The following SAMD13 variants were observed in gnomAD, a reference collection of about 807,000 sequenced individuals.
SAMD13 encodes the protein sterile alpha motif domain-containing protein 13.
Under a neutral mutation model 12.4 loss-of-function variants are expected in SAMD13, and 9 were observed. The ratio of observed to expected loss-of-function variants is 0.72; its 90% CI spans 0.44 to 1.26. SAMD13 has a LOEUF of 1.26. SAMD13 is among the 50% of genes most tolerant of loss of function. The probability of loss-of-function intolerance (pLI) is 0.00; values close to 1 mark genes in which losing one functional copy is unlikely to be tolerated. For missense variants in SAMD13, 84 were observed against 119.6 expected, an observed-to-expected ratio of 0.70 and a Z score of 1.39; for synonymous variants, 46 against 45.4, an observed-to-expected ratio of 1.01 and a Z score of -0.05.
chr1:84,341,096 A>G (rs1679414467), intron 3 of SAMD13, among the ~76,000 whole-genome samples: 1 of 152,140 alleles, frequency 6.6e-6, no homozygotes, highest in Non-Finnish European at 1.5e-5. Flanking sequence ...TCACCCTCCC[A>G]TTCTCAGTCT....
At chr1:84,307,847 G>A (rs1678616012) in intron 2 of SAMD13, among the ~76,000 whole-genome samples, 2 of 151,870 alleles carry the variant, frequency 1.3e-5, no homozygotes, top group African/African-American at 4.8e-5. Flanking sequence ...TTCATCTCTG[G>A]CAGGTGAAAA....
chr1:84,344,553 T>C (rs928599373), intron 3 of SAMD13: 1 of 224,460 alleles, frequency 4.5e-6, no homozygotes, highest in African/African-American at 2.3e-5. Flanking sequence ...CCCAAGAGCC[T>C]TGTGATAGTA....
chr1:84,298,548 C>T (rs371548229), upstream of SAMD13: 63 of 1,268,888 alleles, frequency 5.0e-5, no homozygotes, highest in Admixed American at 7.4e-5. Context: ...GCAAACCTCC[C>T]GGCGCGGCCA....
chr1:84,346,185 A>G (rs1344335368), intron 3 of SAMD13, among the ~76,000 whole-genome samples: 2 of 152,208 alleles, frequency 1.3e-5, no homozygotes. Context: ...GGCCCCACTA[A>G]TAAGCAATAA....
intron 1 of SAMD13, 157 bp from the exon 2 acceptor site, chr1:84,303,046 C>T (rs1030701877): frequency 3.5e-6 from 2 of 571,232 alleles, no homozygotes; most frequent in African/African-American, 3.8e-5. Flanking sequence ...TAGGTTTAAT[C>T]ACATCTCTCC....
chr1:84,344,976 G>T (rs1679506490), intron 3 of SAMD13: 1 of 456,726 alleles, frequency 2.2e-6, no homozygotes, highest in Non-Finnish European at 4.4e-6. Flanking sequence ...CTCAGGTGAT[G>T]ATTTTTCCCT....
chr1:84,335,896 G>T (rs1679278718), intron 3 of SAMD13, among the ~76,000 whole-genome samples: 1 of 152,166 alleles, frequency 6.6e-6, no homozygotes, highest in Non-Finnish European at 1.5e-5. Flanking sequence ...GGCTTGCAGG[G>T]TTTCTGCTGA....
intron 3 of SAMD13, among the ~76,000 whole-genome samples, chr1:84,335,340 T>C (rs1042945512): frequency 6.6e-6 from 1 of 152,156 alleles, no homozygotes; most frequent in Admixed American, 6.5e-5. Context: ...TTAAAGTCTG[T>C]TTTGTCTGAA....
At chr1:84,341,445 G>A (rs952550763) in intron 3 of SAMD13, among the ~76,000 whole-genome samples, 1 of 152,096 alleles carries the variant, frequency 6.6e-6, no homozygotes. Context: ...AGCTGAGATT[G>A]GTACACTGCA....
chr1:84,345,110 A>G (rs1679509055), intron 3 of SAMD13: 1 of 456,660 alleles, frequency 2.2e-6, no homozygotes, highest in Non-Finnish European at 4.4e-6. Context: ...CCTCTGAGAC[A>G]TTTGAACCCT....
chr1:84,337,479 G>A (rs1204629454), intron 3 of SAMD13, among the ~76,000 whole-genome samples: 1 of 152,190 alleles, frequency 6.6e-6, no homozygotes, highest in African/African-American at 2.4e-5. Flanking sequence ...CACGACCCAA[G>A]CTCTACATTG....
chr1:84,344,007 TGATAAAA>T (rs1322437313), intron 3 of SAMD13, among the ~76,000 whole-genome samples: 1 of 152,140 alleles, frequency 6.6e-6, no homozygotes, highest in Non-Finnish European at 1.5e-5. Context: ...TTTTCTCATT[TGATAAAA>T]TGGGCCTTAT....
At position 84,350,003 on chromosome 1, in the gene SAMD13, A is replaced by C; in HGVS notation, c.*229A>C. 1.2e-6 allele frequency: 1 copy of C among 843,652 alleles called. No homozygotes were observed. The highest frequency in any genetic ancestry group is 1.6e-6 in the Non-Finnish European group (1 of 630,876). The allele number at this position is 843,652 out of a possible 1,614,324, so 52.3% of individuals were successfully genotyped here. A position where few individuals can be genotyped will look rare whatever the true frequency, so the allele number is the denominator to read the frequency against. On this transcript the variant is annotated 3_prime_UTR_variant, in exon 4 of 4. Coordinates refer to ENST00000394834, the MANE Select transcript of SAMD13 (RefSeq NM_001134663.2). ...GGTGGTTTTCCTCATGGATTTTGTCAAATAGATGATCTTTGACACGATTAG... is the reference window on the plus strand; with the variant it reads ...GGTGGTTTTCCTCATGGATTTTGTCCAATAGATGATCTTTGACACGATTAG...
chr1:84,347,639 G>T (rs1249611597), intron 3 of SAMD13, among the ~76,000 whole-genome samples: 1 of 152,188 alleles, frequency 6.6e-6, no homozygotes, highest in Admixed American at 6.5e-5. Flanking sequence ...AGGAAAGATG[G>T]AGGGTAGGAG....
intron 2 of SAMD13, among the ~76,000 whole-genome samples, chr1:84,307,972 C>T (rs1362129461): frequency 6.6e-6 from 1 of 152,020 alleles, no homozygotes; most frequent in African/African-American, 2.4e-5. Context: ...AGGACTCTGC[C>T]AAACACTTGA....
intron 2 of SAMD13, among the ~76,000 whole-genome samples, chr1:84,305,864 T>A (rs1678558489): frequency 6.6e-6 from 1 of 152,200 alleles, no homozygotes; most frequent in Non-Finnish European, 1.5e-5. Flanking sequence ...TGCATATATT[T>A]ATGCCAATAT....
chr1:84,336,941 A>G (rs1679309668), intron 3 of SAMD13, among the ~76,000 whole-genome samples: 1 of 152,238 alleles, frequency 6.6e-6, no homozygotes, highest in Admixed American at 6.5e-5. Context: ...CAGGCCCCCA[A>G]GCAAGTTCAA....
chr1:84,313,598 AGTAAGTTCCTTTTC>A (rs1678763368), intron 2 of SAMD13, among the ~76,000 whole-genome samples: 3 of 152,112 alleles, frequency 2.0e-5, no homozygotes, highest in Admixed American at 6.6e-5. Flanking sequence ...AGATGCATGT[AGTAAGTTCCTTTTC>A]AACAGGAAGC....
intron 3 of SAMD13, among the ~76,000 whole-genome samples, chr1:84,326,215 G>A (rs2101805449): frequency 6.6e-6 from 1 of 152,264 alleles, no homozygotes; most frequent in Admixed American, 6.5e-5. Context: ...AGTGGAAAAA[G>A]CACAGGATTG....
Sources: allele counts gnomAD v4.1 joint callset (sites outside exome capture counted in the v4.1 genomes callset), GRCh38; gene constraint gnomAD v4.1.1; transcripts MANE v1.5; gene names NCBI Gene and HGNC (gene_info 2026-07-23, HGNC 2026-07-21).